The following ACOT7 variants were observed in gnomAD, a reference collection of about 807,000 sequenced individuals.
ACOT7 encodes acyl-CoA thioesterase 7.
A neutral mutation model predicts 40.2 loss-of-function variants in ACOT7; 12 were observed. That is an observed-to-expected ratio of 0.30 (90% CI 0.19 to 0.48). ACOT7 has a LOEUF of 0.48. Ranked by LOEUF, ACOT7 falls within the 20% of genes least tolerant of loss-of-function variation. ACOT7 has a pLI of 0.99. For missense variants in ACOT7, 395 were observed against 530.8 expected (o/e 0.74, Z 2.51); for synonymous variants, 228 against 219.5 (o/e 1.04, Z -0.34).
Position 6,311,665 on chromosome 1 carries a change from C to T in ACOT7, c.712+6827G>A, listed in dbSNP as rs1640335360. 1.3e-5 allele frequency among the ~76,000 whole-genome samples: 2 copies of T among 152,190 alleles called. 1 individual carries two copies. Among genetic ancestry groups the T allele is most frequent in the South Asian group, 4.1e-4 (2 of 4,830 alleles). On this transcript the variant is annotated intron_variant, in intron 6 of 8. Transcript: ENST00000361521. The surrounding 1 kb of genome is among the most constrained non-coding windows in gnomAD (Gnocchi z 5.2). ...AAAATAGCTCAAAATGGGTACTAGG[C>T]TGCTCACTTAAGGGTACCCAGGAAG...
At position 6,305,813 on chromosome 1, in the gene ACOT7, G is replaced by C. The variant is rs1216070938; in HGVS notation, c.713-10833C>G. ...GTGGCCGGGCAGAGGCTGCAATCTCGGCACTTTGGGGGGCCAAGGCAGGCA... is the reference window on the plus strand; with the variant it reads ...GTGGCCGGGCAGAGGCTGCAATCTCCGCACTTTGGGGGGCCAAGGCAGGCA... On this transcript the variant is annotated intron_variant, in intron 6 of 8. Transcript: ENST00000361521. Among the ~76,000 whole-genome samples the C allele has an allele frequency of 3.3e-5, 5 of 152,298 alleles. No homozygotes were observed. The South Asian group carries it at 1.0e-3, about 32-fold the overall frequency.
intron 2 of ACOT7, among the ~76,000 whole-genome samples, chr1:6,346,659 T>G (rs1287980735): frequency 6.6e-6 from 1 of 152,178 alleles, no homozygotes; most frequent in Non-Finnish European, 1.5e-5. Context: ...ACTCCACATC[T>G]CCCTGGCTAC....
Position 6,330,365 on chromosome 1 carries a change from G to A in ACOT7, c.511-2952C>T, listed in dbSNP as rs2148434584. On this transcript the variant is annotated intron_variant, in intron 4 of 8. Coordinates refer to ENST00000361521, the MANE Select transcript of ACOT7 (RefSeq NM_007274.4). The surrounding 1 kb of genome is among the most constrained non-coding windows in gnomAD (Gnocchi z 4.6). ...GGCCGGGCCCACCAGTGAAAAACAGGAGACCTAGATTCCAAATCAGTGGGA... is the reference window on the plus strand; with the variant it reads ...GGCCGGGCCCACCAGTGAAAAACAGAAGACCTAGATTCCAAATCAGTGGGA... Among the ~76,000 whole-genome samples the A allele has an allele frequency of 6.6e-6, 1 of 152,286 alleles. No individual in the cohort carries two copies. Among genetic ancestry groups the A allele is most frequent in the South Asian group, 2.1e-4 (1 of 4,826 alleles).
chr1:6,360,903 C>T (rs1358498300), intron 1 of ACOT7, among the ~76,000 whole-genome samples: 3 of 152,138 alleles, frequency 2.0e-5, no homozygotes, highest in Non-Finnish European at 4.4e-5. Context: ...CAGATGGTCC[C>T]GCAAAGAGGA....
In ACOT7 at chr1:6,276,928, G is replaced by A. The variant is rs552289945; in HGVS notation, c.1014+4174C>T. ...TGCCATTCCCTCCATTCAAGCTGGC[G>A]CCCTTCCCTGCCCCTCTGCAGCCCC... On this transcript the variant is annotated intron_variant, in intron 8 of 8. Transcript: ENST00000361521. Among the ~76,000 whole-genome samples, 230 of 152,106 alleles carry A rather than the reference G, an allele frequency of 1.5e-3. 2 individuals are homozygous for A. The highest frequency in any genetic ancestry group is 5.4e-3 in the African/African-American group (226 of 41,482).
intron 1 of ACOT7, among the ~76,000 whole-genome samples, chr1:6,371,674 C>T (rs1642136511): frequency 6.6e-6 from 1 of 152,020 alleles, no homozygotes; most frequent in African/African-American, 2.4e-5. Context: ...TCCTTGGAAG[C>T]CAGGCATTGA....
chr1:6,386,369 T>C (rs1417224555), intron 1 of ACOT7, among the ~76,000 whole-genome samples: 2 of 152,132 alleles, frequency 1.3e-5, no homozygotes, highest in East Asian at 3.8e-4. Flanking sequence ...ATCAAATGCT[T>C]ACAAGAGTAG....
chr1:6,287,244 G>A (rs1315857088), intron 7 of ACOT7, among the ~76,000 whole-genome samples: 1 of 152,234 alleles, frequency 6.6e-6, no homozygotes, highest in East Asian at 1.9e-4. Flanking sequence ...TCGAGGCCCT[G>A]ACGGGGCGGA....
At chr1:6,291,892 T>C (rs556714435) in intron 7 of ACOT7, among the ~76,000 whole-genome samples, 3 of 152,290 alleles carry the variant, frequency 2.0e-5, no homozygotes, top group Middle Eastern at 6.8e-3. Flanking sequence ...CCTCGCTCTG[T>C]TTCCCTACCA....
chr1:6,347,768 G>GA (rs112930544), intron 2 of ACOT7, among the ~76,000 whole-genome samples: 12,069 of 145,200 alleles, frequency 0.083, 1,111 homozygotes, highest in African/African-American at 0.24. Context: ...CTCTGTCTCA[G>GA]AAAAAAAAAA....
At position 6,299,607 on chromosome 1, in the gene ACOT7, G is replaced by A. The variant is rs1170164526; in HGVS notation, c.713-4627C>T. 6.6e-6 allele frequency among the ~76,000 whole-genome samples: 1 copy of A among 151,944 alleles called. No individual in the cohort carries two copies. Among genetic ancestry groups the A allele is most frequent in the Non-Finnish European group, 1.5e-5 (1 of 68,000 alleles). On this transcript the variant is annotated intron_variant, in intron 6 of 8. Transcript: ENST00000361521. This position sits in a 1 kb window ranked among gnomAD's most constrained non-coding sequence, Gnocchi z 4.1. The stretch of plus-strand genomic sequence containing the variant: ...CACAGAGGGCAGAGAGGCCCACCCG[G>A]CCACCTCCTGACTAGGTACTAGGTC...
At chr1:6,339,740 T>C in intron 2 of ACOT7, 151 bp from the exon 3 acceptor site, 1 of 236,456 alleles carries the variant, frequency 4.2e-6, no homozygotes, top group Non-Finnish European at 6.1e-6. Context: ...GGCACCGCGG[T>C]TTTTTTTTTT....
rs534029165 is a variant in ACOT7, at chr1:6,264,592, G to A, written c.*5C>T. ...CTCGAGGCACCAGTGGCAGGAGGAG[G>A]GAGTCTAGGGCTGAGGCTCCGCGTG... On this transcript the variant is annotated 3_prime_UTR_variant, in exon 9 of 9. Coordinates refer to ENST00000361521, the MANE Select transcript of ACOT7 (RefSeq NM_007274.4). The A allele has an allele frequency of 6.2e-7, 1 of 1,609,722 alleles. No individual in the cohort carries two copies. Among genetic ancestry groups the A allele is most frequent in the East Asian group, 2.2e-5 (1 of 44,796 alleles).
rs377545776 is a variant in ACOT7 at position 6,327,390 on chromosome 1, C to T, written c.534G>A (p.Glu178=). Residue 178 remains glutamate (E), a synonymous_variant, in exon 5 of 9, where the codon GAG becomes GAA. Transcript: ENST00000361521. The stretch of plus-strand genomic sequence containing the variant: ...GGGCTTCATACCGCTTCCGGCCCTC[C>T]TCCTCCTGCTCCTGCCGGGAATACT... ...PVVYSRQEQE[E]EGRKRYEAQK... The T allele has an allele frequency of 2.5e-6, 4 of 1,614,090 alleles. No individual in the cohort carries two copies. In the African/African-American group the frequency reaches 4.0e-5, roughly 16 times the overall value.
intron 1 of ACOT7, among the ~76,000 whole-genome samples, chr1:6,353,590 T>C (rs547011587): frequency 8.6e-5 from 13 of 152,026 alleles, no homozygotes; most frequent in African/African-American, 2.7e-4. Flanking sequence ...GCTGAGATCA[T>C]GCCACTGCAC....
At chr1:6,387,876 T>C (rs1642464327) in intron 1 of ACOT7, among the ~76,000 whole-genome samples, 1 of 151,880 alleles carries the variant, frequency 6.6e-6, no homozygotes, top group Non-Finnish European at 1.5e-5. Flanking sequence ...TGTAAATCAT[T>C]TTGCGGAATG....
At chr1:6,265,512 C>T (rs1458424296) in intron 8 of ACOT7, among the ~76,000 whole-genome samples, 3 of 152,212 alleles carry the variant, frequency 2.0e-5, no homozygotes, top group Non-Finnish European at 1.5e-5. Context: ...GGGGCAGAGC[C>T]AACTGAACAG....
At chr1:6,367,436 T>C (rs1420842890) in intron 1 of ACOT7, among the ~76,000 whole-genome samples, 3 of 152,160 alleles carry the variant, frequency 2.0e-5, no homozygotes, top group African/African-American at 7.2e-5. Flanking sequence ...GGAGCTCCCA[T>C]GCCTGCCAAG....
intron 3 of ACOT7, among the ~76,000 whole-genome samples, chr1:6,335,457 C>A (rs1286364686): frequency 6.6e-6 from 1 of 152,084 alleles, no homozygotes; most frequent in African/African-American, 2.4e-5. Context: ...TGCACCACTG[C>A]ACTCCAGCCT....
Sources: gnomAD v4.1 joint callset for allele counts (sites outside exome capture counted in the v4.1 genomes callset) on GRCh38, gnomAD v4.1.1 for gene constraint, Gnocchi (gnomAD v3.1) non-coding constraint, MANE v1.5 for transcripts, NCBI Gene and HGNC (gene_info 2026-07-23, HGNC 2026-07-21) for gene names.